The following ACTMAP variants were observed in gnomAD, a reference collection of about 807,000 sequenced individuals.
ACTMAP encodes the protein actin maturation protease.
the ACTMAP span, among the ~76,000 whole-genome samples, chr19:40,746,230 G>GTT: frequency 6.6e-6 from 1 of 151,942 alleles, no homozygotes; most frequent in African/African-American, 2.4e-5. Flanking sequence ...TTGTTTGTTT[G>GTT]TTTTTTGGGA....
At chr19:40,743,895 G>A in the ACTMAP span, 2 of 1,613,828 alleles carry the variant, frequency 1.2e-6, no homozygotes, top group African/African-American at 1.3e-5. Context: ...ACAAAGGAGG[G>A]GGAACCCACC....
the ACTMAP span, among the ~76,000 whole-genome samples, chr19:40,743,319 G>A: frequency 6.0e-5 from 9 of 150,028 alleles, no homozygotes; most frequent in Admixed American, 4.7e-4. Context: ...TGCAACCTCC[G>A]CCTCCCAGGT....
chr19:40,745,037 C>CCACT, the ACTMAP span: 1 of 1,428,922 alleles, frequency 7.0e-7, no homozygotes, highest in Non-Finnish European at 9.7e-7. Flanking sequence ...CAGGGACAAT[C>CCACT]CACTCCTCTT....
the ACTMAP span, chr19:40,741,832 G>A: frequency 1.5e-5 from 7 of 456,428 alleles, no homozygotes; most frequent in African/African-American, 6.0e-5. Flanking sequence ...AGAGGGGCTG[G>A]CACAGGTAAC....
At chr19:40,744,937 T>G in the ACTMAP span, 3 of 810,866 alleles carry the variant, frequency 3.7e-6, no homozygotes, top group Non-Finnish European at 5.8e-6. Flanking sequence ...GCTCATTCGT[T>G]CATTCCTCGC....
At chr19:40,746,837 TG>T in the ACTMAP span, among the ~76,000 whole-genome samples, 2 of 151,602 alleles carry the variant, frequency 1.3e-5, no homozygotes, top group Non-Finnish European at 1.5e-5. Context: ...GATGCAGTCT[TG>T]CTCTGTCGCC....
At chr19:40,741,877 G>GA in the ACTMAP span, 1 of 455,184 alleles carries the variant, frequency 2.2e-6, no homozygotes, top group Non-Finnish European at 4.4e-6. Flanking sequence ...GTGAAGACAT[G>GA]AGGTGGGGGA....
chr19:40,743,851 T>C, the ACTMAP span: 2 of 1,592,334 alleles, frequency 1.3e-6, no homozygotes, highest in African/African-American at 1.3e-5. Context: ...GGAGGATTAA[T>C]GGAGGCCGGG....
At chr19:40,744,795 G>A in the ACTMAP span, 14 of 1,413,222 alleles carry the variant, frequency 9.9e-6, no homozygotes, top group East Asian at 3.2e-4. Context: ...CCCTCTCCCA[G>A]GCCAGCGAGG....
the ACTMAP span, chr19:40,749,818 G>T: frequency 1.3e-5 from 18 of 1,407,632 alleles, no homozygotes; most frequent in Non-Finnish European, 1.4e-5. Context: ...GGGTCTACAG[G>T]AGGTGTTGAG....
the ACTMAP span, chr19:40,745,284 G>C: frequency 4.5e-6 from 6 of 1,336,054 alleles, no homozygotes; most frequent in Non-Finnish European, 6.3e-6. Flanking sequence ...GTCGTATCCA[G>C]GGATGATGAA....
the ACTMAP span, chr19:40,742,201 C>G: frequency 1.5e-5 from 10 of 689,202 alleles, no homozygotes; most frequent in South Asian, 1.0e-4. Context: ...TAGTGAGAAA[C>G]AGACGATGCG....
the ACTMAP span, among the ~76,000 whole-genome samples, chr19:40,748,617 G>A: frequency 6.6e-6 from 1 of 152,112 alleles, no homozygotes; most frequent in African/African-American, 2.4e-5. Flanking sequence ...GCTCCCCCGT[G>A]CCCTCAGGAA....
chr19:40,744,980 A>G, the ACTMAP span: 1 of 965,882 alleles, frequency 1.0e-6, no homozygotes, highest in Non-Finnish European at 1.6e-6. Context: ...GCAGGCACTC[A>G]GAAGCCTGAG....
the ACTMAP span, among the ~76,000 whole-genome samples, chr19:40,748,813 C>T: frequency 6.6e-6 from 1 of 152,122 alleles, no homozygotes; most frequent in Non-Finnish European, 1.5e-5. Context: ...AGCATTTGCA[C>T]GACTTGCTCA....
At chr19:40,747,011 T>C in the ACTMAP span, among the ~76,000 whole-genome samples, 1 of 151,746 alleles carries the variant, frequency 6.6e-6, no homozygotes, top group Non-Finnish European at 1.5e-5. Flanking sequence ...TTTGCCATGT[T>C]GGCCAGGCTA....
chr19:40,743,948 C>G, the ACTMAP span: 13 of 1,613,912 alleles, frequency 8.1e-6, no homozygotes, highest in Non-Finnish European at 1.1e-5. Flanking sequence ...TCCTCTGACA[C>G]GGCTCATGGT....
At chr19:40,745,594 G>T in the ACTMAP span, among the ~76,000 whole-genome samples, 1 of 152,142 alleles carries the variant, frequency 6.6e-6, no homozygotes, top group Non-Finnish European at 1.5e-5. Context: ...GACCTCCCAG[G>T]GTCAAGTTAT....
chr19:40,745,264 G>T, the ACTMAP span: 3 of 1,486,898 alleles, frequency 2.0e-6, no homozygotes, highest in East Asian at 4.9e-5. Flanking sequence ...CTGAGGTCTG[G>T]CTGGGAGTGG....
Sources: gnomAD v4.1 joint callset for allele counts (sites outside exome capture counted in the v4.1 genomes callset) on GRCh38, gnomAD v4.1.1 for gene constraint, MANE v1.5 for transcripts, NCBI Gene and HGNC (gene_info 2026-07-23, HGNC 2026-07-21) for gene names.